Variants in ANKRD31 observed in about 807,000 individuals in gnomAD.
ANKRD31 encodes ankyrin repeat domain-containing protein 31.
Under a neutral mutation model 186.0 loss-of-function variants are expected in ANKRD31, and 147 were observed. The ratio of observed to expected loss-of-function variants is 0.79; its 90% CI spans 0.69 to 0.91. The LOEUF (loss-of-function observed/expected upper bound fraction) is 0.91. Among genes scored for constraint, ANKRD31 ranks in the 40% least tolerant of loss-of-function variants. The probability of loss-of-function intolerance (pLI) is 0.00; values close to 1 mark genes in which losing one functional copy is unlikely to be tolerated. For synonymous variants in ANKRD31, 673 were observed against 736.4 expected (o/e 0.91, Z 1.39); for missense variants, 1,986 against 2,148.8 (o/e 0.92, Z 1.50).
intron 17 of ANKRD31, among the ~76,000 whole-genome samples, chr5:75,135,469 G>C (rs1750495012): frequency 6.6e-6 from 1 of 152,164 alleles, no homozygotes; most frequent in African/African-American, 2.4e-5. Flanking sequence ...GGGATGTGAA[G>C]GGCCTCTTCA....
chr5:75,076,309 C>T (rs1199682138), intron 25 of ANKRD31, among the ~76,000 whole-genome samples: 1 of 152,184 alleles, frequency 6.6e-6, no homozygotes, highest in Non-Finnish European at 1.5e-5. Context: ...TCTAACTTGT[C>T]TACAAATTAG....
chr5:75,116,565 C>T lies in ANKRD31; in HGVS notation c.4155+1G>A. On this transcript the variant is annotated splice_donor_variant, in intron 19 of 25. Transcript: ENST00000506364. LOFTEE classifies it high-confidence loss of function. ...AACAAAGTAATTTTAACTTCACTCA[C>T]CACAGAAAGGCTTTCTCTTGATCTT... The T allele has an allele frequency of 1.4e-6, 2 of 1,397,286 alleles. No homozygotes were observed. The highest frequency in any genetic ancestry group is 1.9e-6 in the Non-Finnish European group (2 of 1,070,132). The allele number at this position is 1,397,286 out of a possible 1,614,324, so 86.6% of individuals were successfully genotyped here.
At chr5:75,177,413 C>T (rs1190726651) in intron 10 of ANKRD31, among the ~76,000 whole-genome samples, 1 of 152,058 alleles carries the variant, frequency 6.6e-6, no homozygotes, top group Non-Finnish European at 1.5e-5. Flanking sequence ...AGAAGAGCAA[C>T]TCCAAGACAC....
chr5:75,107,660 GAATGTCAA>G, intron 20 of ANKRD31, 43 bp from the exon 21 acceptor site: 2 of 1,242,006 alleles, frequency 1.6e-6, no homozygotes, highest in Non-Finnish European at 2.2e-6. Flanking sequence ...GAGGGAGAGT[GAATGTCAA>G]ATTTGGTCAT....
At chr5:75,192,567 C>T (rs1755184405) in intron 9 of ANKRD31, 100 bp downstream of exon 9, 7 of 944,366 alleles carry the variant, frequency 7.4e-6, no homozygotes, top group South Asian at 6.8e-5. Context: ...TCAGTTTCCT[C>T]ATCAGCAAAA....
At chr5:75,112,663 T>A in intron 19 of ANKRD31, 63 bp from the exon 20 acceptor site, 1 of 1,024,888 alleles carries the variant, frequency 9.8e-7, no homozygotes, top group Non-Finnish European at 1.4e-6. Flanking sequence ...TGATATGCCA[T>A]TGACAAACAC....
chr5:75,208,185 A>G (rs952973432), intron 4 of ANKRD31, among the ~76,000 whole-genome samples: 1 of 152,188 alleles, frequency 6.6e-6, no homozygotes, highest in Non-Finnish European at 1.5e-5. Context: ...ATCTGTTGCC[A>G]TATATAATTT....
At chr5:75,087,007 C>A (rs369917194) in intron 23 of ANKRD31, among the ~76,000 whole-genome samples, 38 of 152,120 alleles carry the variant, frequency 2.5e-4, no homozygotes, top group African/African-American at 8.9e-4. Flanking sequence ...TTGGTAAGGT[C>A]TTTGGAAGAA....
At chr5:75,183,822 A>G (rs978850704) in intron 10 of ANKRD31, among the ~76,000 whole-genome samples, 1 of 152,136 alleles carries the variant, frequency 6.6e-6, no homozygotes, top group Non-Finnish European at 1.5e-5. Context: ...TTCTGTCACA[A>G]TAATCTACAG....
rs111411464 is a variant in ANKRD31 at position 75,068,332 on chromosome 5, C to G, written c.*187G>C. ...TTCAAATGTGCCTTTATTTCAATGGCAAAAAAGCATTAATCTTATATAATT... is the reference window on the plus strand; with the variant it reads ...TTCAAATGTGCCTTTATTTCAATGGGAAAAAAGCATTAATCTTATATAATT... On this transcript the variant is annotated 3_prime_UTR_variant, in exon 26 of 26. Coordinates refer to ENST00000506364, the MANE Select transcript of ANKRD31 (RefSeq NM_001372053.1). 1.0e-3 allele frequency: 525 copies of G among 508,128 alleles called. 2 individuals carry two copies. The highest frequency in any genetic ancestry group is 8.3e-3 in the African/African-American group (418 of 50,198). The allele number at this position is 508,128 out of a possible 1,614,324, so 31.5% of individuals were successfully genotyped here.
At chr5:75,209,703 A>ACAGATGCACATATACT (rs1193553587) in intron 4 of ANKRD31, among the ~76,000 whole-genome samples, 1 of 152,214 alleles carries the variant, frequency 6.6e-6, no homozygotes. Flanking sequence ...ATCACATAGC[A>ACAGATGCACATATACT]GTATGCACAG....
In ANKRD31 at chr5:75,105,183, C is replaced by G; in HGVS notation, c.4376G>C (p.Arg1459Thr). 3 of 1,533,002 alleles carry G rather than the reference C, an allele frequency of 2.0e-6. No homozygotes were observed. The highest frequency in any genetic ancestry group is 2.6e-6 in the Non-Finnish European group (3 of 1,145,494). 95.0% of individuals were successfully genotyped at this position (1,533,002 alleles called of 1,614,324 possible). The change falls in exon 22 of 26, where the codon AGA (arginine) becomes ACA (threonine). Residue 1459 changes from arginine to threonine, a missense_variant. By Grantham distance (71) the Arg-to-Thr change is moderately conservative. Coordinates refer to ENST00000506364, the MANE Select transcript of ANKRD31 (RefSeq NM_001372053.1). Reference sequence around the variant, plus strand: ...TGCAGCCAAGTTGGCCAATTGTTCTCTCAGGGCTCCATGCTTAAATGACTC... The same window carrying G: ...TGCAGCCAAGTTGGCCAATTGTTCTGTCAGGGCTCCATGCTTAAATGACTC... ...SIESFKHGAL[R>T]EQLANLAARQ...
intron 23 of ANKRD31, among the ~76,000 whole-genome samples, chr5:75,086,307 GATTT>G (rs758220547): frequency 2.6e-5 from 4 of 152,150 alleles, no homozygotes; most frequent in African/African-American, 4.8e-5. Context: ...AGGTAGGAGT[GATTT>G]ATTGAACAGG....
chr5:75,185,863 T>C (rs1421213266), intron 10 of ANKRD31, among the ~76,000 whole-genome samples: 1 of 151,884 alleles, frequency 6.6e-6, no homozygotes, highest in Non-Finnish European at 1.5e-5. Flanking sequence ...ATAATAATTA[T>C]GTATCCATTA....
intron 22 of ANKRD31, among the ~76,000 whole-genome samples, chr5:75,096,913 C>T (rs1186865506): frequency 3.4e-5 from 5 of 148,550 alleles, no homozygotes; most frequent in South Asian, 4.2e-4. Flanking sequence ...ATGCAGCGTT[C>T]GGTTTTCTGT....
rs555503715 is a variant in ANKRD31, at chr5:75,138,893, T to G, written c.3686A>C (p.Lys1229Thr). Residue 1229 changes from lysine (K) to threonine (T), a missense_variant, in exon 16 of 26, where the codon AAA (lysine) becomes ACA (threonine). Coordinates refer to ENST00000506364, the MANE Select transcript of ANKRD31 (RefSeq NM_001372053.1). Reference sequence around the variant, plus strand: ...ATCTGCTCCAGATTCTATCAGGGCTTTCACTAGGGGCAGATTTCCTCTTCT... The same window carrying G: ...ATCTGCTCCAGATTCTATCAGGGCTGTCACTAGGGGCAGATTTCCTCTTCT... ...AVRRGNLPLV[K>T]ALIESGADVN... 2.0e-6 allele frequency: 3 copies of G among 1,536,880 alleles called. No individual in the cohort carries two copies. In the Admixed American group the frequency reaches 5.9e-5, roughly 30 times the overall value.
intron 20 of ANKRD31, among the ~76,000 whole-genome samples, chr5:75,108,961 C>A (rs1202681409): frequency 1.3e-5 from 2 of 152,014 alleles, no homozygotes; most frequent in Non-Finnish European, 2.9e-5. Flanking sequence ...CTCTAAGAAA[C>A]AACAGAAATA....
At position 75,074,881 on chromosome 5, in the gene ANKRD31, G is replaced by A. The variant is rs185773495; in HGVS notation, c.5647+5687C>T. 3.0e-4 allele frequency among the ~76,000 whole-genome samples: 46 copies of A among 152,220 alleles called. 1 individual carries two copies. In the South Asian group the frequency reaches 3.7e-3, roughly 12 times the overall value. On this transcript the variant is annotated intron_variant, in intron 25 of 25. Coordinates refer to ENST00000506364, the MANE Select transcript of ANKRD31 (RefSeq NM_001372053.1). ...GAAAATAACATTCAGCAAAGTTAGAGCTAAAGAACCTCCCTAGCTTCTTCC... is the reference window on the plus strand; with the variant it reads ...GAAAATAACATTCAGCAAAGTTAGAACTAAAGAACCTCCCTAGCTTCTTCC...
intron 19 of ANKRD31, among the ~76,000 whole-genome samples, chr5:75,113,742 A>G (rs1435527595): frequency 1.3e-5 from 2 of 152,212 alleles, no homozygotes; most frequent in Non-Finnish European, 2.9e-5. Context: ...AAACAGTCTT[A>G]CTGCTGTCAT....
Sources: allele counts gnomAD v4.1 joint callset (sites outside exome capture counted in the v4.1 genomes callset), GRCh38; gene constraint gnomAD v4.1.1; transcripts MANE v1.5; gene names NCBI Gene and HGNC (gene_info 2026-07-23, HGNC 2026-07-21).